Variants in PRKCH observed in about 807,000 individuals in gnomAD.
The protein encoded by PRKCH is protein kinase C eta, also known as protein kinase C eta type.
Under a neutral mutation model 82.5 loss-of-function variants are expected in PRKCH, and 28 were observed. The ratio of observed to expected loss-of-function variants is 0.34; its 90% CI spans 0.25 to 0.47. PRKCH has a LOEUF of 0.47. Ranked by LOEUF, PRKCH falls within the 20% of genes least tolerant of loss-of-function variation. The probability of loss-of-function intolerance (pLI) is 1.00; values close to 1 mark genes in which losing one functional copy is unlikely to be tolerated. For missense variants in PRKCH, 705 were observed against 881.8 expected, an observed-to-expected ratio of 0.80 and a Z score of 2.54; for synonymous variants, 322 against 327.4, an observed-to-expected ratio of 0.98 and a Z score of 0.18.
At chr14:61,502,306 A>T (rs983339213) in intron 10 of PRKCH, among the ~76,000 whole-genome samples, 21 of 151,914 alleles carry the variant, frequency 1.4e-4, no homozygotes, top group Admixed American at 4.6e-4. Context: ...CGTGATCCGC[A>T]CACCCCAGCC....
chr14:61,287,536 C>T (rs2045325974), intron 1 of PRKCH, among the ~76,000 whole-genome samples: 1 of 152,058 alleles, frequency 6.6e-6, no homozygotes, highest in African/African-American at 2.4e-5. Flanking sequence ...CATAGCGAGA[C>T]TCCATCTCTA....
chr14:61,547,625 A>G (rs1448053774), intron 12 of PRKCH, 118 bp from the exon 13 acceptor site: 2 of 1,321,974 alleles, frequency 1.5e-6, no homozygotes, highest in Non-Finnish European at 2.1e-6. Flanking sequence ...CCAGCTAGTT[A>G]AGCAAGACCT....
At chr14:61,372,922 A>T (rs891138098) in intron 1 of PRKCH, among the ~76,000 whole-genome samples, 2 of 152,128 alleles carry the variant, frequency 1.3e-5, no homozygotes, top group Non-Finnish European at 2.9e-5. Context: ...ATTCTCTGAT[A>T]GGCCTCAACT....
chr14:61,470,456 G>C (rs572916837), intron 9 of PRKCH, among the ~76,000 whole-genome samples: 36 of 152,176 alleles, frequency 2.4e-4, no homozygotes, highest in Non-Finnish European at 4.6e-4. Flanking sequence ...TATCAAGAGC[G>C]ACTGACTCTT....
intron 1 of PRKCH, among the ~76,000 whole-genome samples, chr14:61,254,568 A>ATTAC (rs1389325816): frequency 2.0e-5 from 3 of 152,182 alleles, no homozygotes; most frequent in Admixed American, 6.5e-5. Context: ...GTGAGCTGTG[A>ATTAC]TTACACCACT....
At chr14:61,284,960 A>G (rs1211438245) in intron 1 of PRKCH, among the ~76,000 whole-genome samples, 1 of 152,214 alleles carries the variant, frequency 6.6e-6, no homozygotes, top group Non-Finnish European at 1.5e-5. Context: ...AATATTTTCT[A>G]TGTTCCTTAA....
chr14:61,536,882 G>A (rs1412214072), intron 12 of PRKCH, among the ~76,000 whole-genome samples: 1 of 152,090 alleles, frequency 6.6e-6, no homozygotes, highest in Middle Eastern at 3.2e-3. Flanking sequence ...ACACCCCCGA[G>A]GTTGTGGACT....
chr14:61,380,825 A>AT (rs970918546), intron 1 of PRKCH, among the ~76,000 whole-genome samples: 38 of 152,302 alleles, frequency 2.5e-4, no homozygotes, highest in African/African-American at 8.4e-4. Flanking sequence ...ACTGTTTGTG[A>AT]TTTTTTACTA....
chr14:61,203,146 T>C (rs1264408799), intron 1 of PRKCH, among the ~76,000 whole-genome samples: 1 of 152,146 alleles, frequency 6.6e-6, no homozygotes, highest in Non-Finnish European at 1.5e-5. Flanking sequence ...TACTGACTGC[T>C]GCCTGTGATA....
intron 1 of PRKCH, among the ~76,000 whole-genome samples, chr14:61,342,578 T>G (rs2140139582): frequency 6.6e-6 from 1 of 152,358 alleles, no homozygotes; most frequent in Non-Finnish European, 1.5e-5. Context: ...CCTTTGTTTT[T>G]TCAGAGACCC....
At position 61,513,048 on chromosome 14, in the gene PRKCH, A is replaced by G. The variant is rs562149167; in HGVS notation, c.1434-16027A>G. Reference sequence around the variant, plus strand: ...TGCCCAAGCTGACACTTACAGTAACAGTAGGATCAGACTGAGAGCTGGAAA... The same window carrying G: ...TGCCCAAGCTGACACTTACAGTAACGGTAGGATCAGACTGAGAGCTGGAAA... On this transcript the variant is annotated intron_variant, in intron 10 of 13. Transcript: ENST00000332981. Among the ~76,000 whole-genome samples, 84 of 152,264 alleles carry G rather than the reference A, an allele frequency of 5.5e-4. 2 individuals carry two copies. In the South Asian group the frequency reaches 0.012, roughly 22 times the overall value.
At chr14:61,373,302 G>C (rs2046387315) in intron 1 of PRKCH, among the ~76,000 whole-genome samples, 1 of 151,822 alleles carries the variant, frequency 6.6e-6, no homozygotes, top group South Asian at 2.1e-4. Context: ...GGAAGGCAAA[G>C]GGGAAGCAAG....
intron 9 of PRKCH, among the ~76,000 whole-genome samples, chr14:61,472,446 C>CA (rs1885546399): frequency 6.6e-6 from 1 of 152,162 alleles, no homozygotes; most frequent in Non-Finnish European, 1.5e-5. Context: ...AACAGATAAT[C>CA]AGAGTTTTGC....
upstream of PRKCH, among the ~76,000 whole-genome samples, chr14:61,318,450 C>T (rs948672665): frequency 5.3e-5 from 8 of 151,396 alleles, no homozygotes; most frequent in Admixed American, 1.3e-4. Context: ...AGCCATCCCC[C>T]CACCTTGTCC....
chr14:61,400,966 T>TG (rs951571221), intron 2 of PRKCH, among the ~76,000 whole-genome samples: 6 of 151,592 alleles, frequency 4.0e-5, no homozygotes, highest in Non-Finnish European at 7.4e-5. Context: ...GAGTTGGGGG[T>TG]GGGGGGGCAG....
At chr14:61,229,769 C>T (rs549410098) in intron 1 of PRKCH, among the ~76,000 whole-genome samples, 2 of 152,236 alleles carry the variant, frequency 1.3e-5, no homozygotes, top group East Asian at 1.9e-4. Flanking sequence ...TCTAACCCAT[C>T]GATAGAAATG....
intron 6 of PRKCH, chr14:61,453,003 T>G (rs758462271): frequency 1.0e-5 from 6 of 571,736 alleles, no homozygotes; most frequent in Non-Finnish European, 1.5e-5. Flanking sequence ...ATTTGAAATA[T>G]ATTATTCTTT....
At chr14:61,248,426 G>A (rs938871504) in intron 1 of PRKCH, among the ~76,000 whole-genome samples, 4 of 152,184 alleles carry the variant, frequency 2.6e-5, no homozygotes. Context: ...CATAAACAAA[G>A]CTAAGATACT....
At chr14:61,487,698 AACTGAAC>A (rs1437601445) in intron 10 of PRKCH, among the ~76,000 whole-genome samples, 1 of 152,086 alleles carries the variant, frequency 6.6e-6, no homozygotes, top group Non-Finnish European at 1.5e-5. Flanking sequence ...AACAAGACCT[AACTGAAC>A]ACTTGGACTG....
Sources: gnomAD v4.1 joint callset for allele counts (sites outside exome capture counted in the v4.1 genomes callset) on GRCh38, gnomAD v4.1.1 for gene constraint, MANE v1.5 for transcripts, NCBI Gene and HGNC (gene_info 2026-07-23, HGNC 2026-07-21) for gene names.